The following SATL1 variants were observed in gnomAD, a reference collection of about 807,000 sequenced individuals.
SATL1 encodes spermidine/spermine N(1)-acetyltransferase-like protein 1.
A neutral mutation model predicts 51.8 loss-of-function variants in SATL1; 47 were observed. That is an observed-to-expected ratio of 0.91 (90% CI 0.72 to 1.16). SATL1 has a LOEUF of 1.16. Among genes scored for constraint, SATL1 ranks in the 50% most tolerant of loss-of-function variants. SATL1 has a pLI of 0.00. For synonymous variants in SATL1, 176 were observed against 182.4 expected (o/e 0.97, Z 0.28); for missense variants, 520 against 526.4 (o/e 0.99, Z 0.12).
chrX:85,180,907 TA>T (rs889002777), intron 2 of SATL1, among the ~76,000 whole-genome samples: 9 of 110,862 alleles, frequency 8.1e-5, no homozygotes, highest in African/African-American at 2.9e-4. Context: ...TCAAGATGCA[TA>T]TAGTTAATTT....
intron 2 of SATL1, among the ~76,000 whole-genome samples, chrX:85,148,662 A>G (rs1926330411): frequency 8.9e-6 from 1 of 111,946 alleles, no homozygotes; most frequent in Non-Finnish European, 1.9e-5. Flanking sequence ...GCCAATATTC[A>G]ACATTCTTAA....
At chrX:85,227,709 T>C (rs979097943) in intron 1 of SATL1, among the ~76,000 whole-genome samples, 3 of 111,520 alleles carry the variant, frequency 2.7e-5, no homozygotes, top group African/African-American at 9.7e-5. Flanking sequence ...GTAATGTAGA[T>C]GAAAAGAGCA....
intron 2 of SATL1, among the ~76,000 whole-genome samples, chrX:85,203,513 A>C (rs1370231666): frequency 9.0e-6 from 1 of 110,948 alleles, no homozygotes; most frequent in Non-Finnish European, 1.9e-5. Flanking sequence ...TCTCTCTGGG[A>C]GTACCATCCC....
In SATL1 at chrX:85,228,413, T is replaced by TA. The variant is rs956920301; in HGVS notation, c.-434-4088dup. On this transcript the variant is annotated intron_variant, in intron 1 of 7. Coordinates refer to ENST00000644105, the MANE Select transcript of SATL1 (RefSeq NM_001367857.2). The stretch of plus-strand genomic sequence containing the variant: ...GAAATGTGCTATAATTTCTCACATT[T>TA]AAAAAAAATGTCTATTGATGTCCCT... Among the ~76,000 whole-genome samples, 9 of 111,311 alleles carry TA rather than the reference T, an allele frequency of 8.1e-5. No homozygotes were observed. The East Asian group carries it at 8.5e-4, about 10-fold the overall frequency.
At chrX:85,234,349 A>G (rs1186005775) in intron 1 of SATL1, among the ~76,000 whole-genome samples, 1 of 112,136 alleles carries the variant, frequency 8.9e-6, no homozygotes, top group Non-Finnish European at 1.9e-5. Context: ...ATAAGAAATC[A>G]CCTGAAGGTA....
At chrX:85,102,090 CTTATTA>C (rs202201272) in intron 4 of SATL1, among the ~76,000 whole-genome samples, 2 of 105,443 alleles carry the variant, frequency 1.9e-5, no homozygotes, top group Admixed American at 2.1e-4. Flanking sequence ...TATTTATTTT[CTTATTA>C]TTATACTTTA....
intron 2 of SATL1, among the ~76,000 whole-genome samples, chrX:85,133,514 G>A (rs1683756208): frequency 8.9e-6 from 1 of 112,355 alleles, no homozygotes; most frequent in Non-Finnish European, 1.9e-5. Context: ...GAAAAGCGCA[G>A]TGTTTAGGTG....
At chrX:85,227,505 T>C (rs1176234186) in intron 1 of SATL1, among the ~76,000 whole-genome samples, 1 of 112,170 alleles carries the variant, frequency 8.9e-6, no homozygotes, top group Admixed American at 9.5e-5. Flanking sequence ...TATGTGCCTC[T>C]TGATAGAAGT....
At chrX:85,217,307 T>G (rs1171134517) in intron 2 of SATL1, among the ~76,000 whole-genome samples, 1 of 111,100 alleles carries the variant, frequency 9.0e-6, no homozygotes, top group East Asian at 2.8e-4. Flanking sequence ...AAAGCAATAT[T>G]GGTACAAGAG....
rs140552711 is a variant in SATL1 at position 85,182,529 on chromosome X, G to A, written c.-313+41676C>T. On this transcript the variant is annotated intron_variant, in intron 2 of 7. Coordinates refer to ENST00000644105, the MANE Select transcript of SATL1 (RefSeq NM_001367857.2). ...TGGTTGTTTCTATATCGTAGCTACC[G>A]TGAATAGTGCTTCAGTAAACATGGT... 5.4e-5 allele frequency among the ~76,000 whole-genome samples: 6 copies of A among 111,716 alleles called. No homozygotes were observed. The East Asian group carries it at 1.1e-3, about 21-fold the overall frequency.
At chrX:85,095,601 C>T (rs1206361768) in intron 4 of SATL1, among the ~76,000 whole-genome samples, 6 of 21,450 alleles carry the variant, frequency 2.8e-4, no homozygotes, top group Non-Finnish European at 6.0e-4. Context: ...CCGAGGCGGG[C>T]GGATCACGAG....
At chrX:85,199,479 C>T (rs1297461669) in intron 2 of SATL1, among the ~76,000 whole-genome samples, 1 of 111,490 alleles carries the variant, frequency 9.0e-6, no homozygotes, top group African/African-American at 3.3e-5. Flanking sequence ...AGCTGCATTC[C>T]CACATTTATT....
intron 1 of SATL1, among the ~76,000 whole-genome samples, chrX:85,225,204 G>A (rs1384778842): frequency 8.9e-6 from 1 of 111,812 alleles, no homozygotes; most frequent in African/African-American, 3.2e-5. Flanking sequence ...CTTGACTGTG[G>A]TAGTGGATAC....
At position 85,108,932 on chromosome X, in the gene SATL1, C is replaced by G. The variant is rs1192492634; in HGVS notation, c.37G>C (p.Asp13His). ...QSGTNQSSLS[D>H]SNQAGINQPS... The stretch of plus-strand genomic sequence containing the variant: ...TGGTTTATGCCTGCTTGGTTCGAGT[C>G]TGATAAACTTGATTGGTTCGTGCCT... The change falls in exon 3 of 8, where the codon GAC becomes CAC. Residue 13 changes from aspartate (D) to histidine (H), a missense_variant. Physicochemically the swap from Asp to His is moderately conservative, Grantham distance 81. This residue lies in a region of SATL1 where 22 missense variants were observed against 23.8 expected (regional missense o/e 0.92). Coordinates refer to ENST00000644105, the MANE Select transcript of SATL1 (RefSeq NM_001367857.2). The G allele has an allele frequency of 8.3e-6, 10 of 1,206,911 alleles. No homozygotes were observed. In the Admixed American group the frequency reaches 2.2e-4, roughly 27 times the overall value.
intron 2 of SATL1, among the ~76,000 whole-genome samples, chrX:85,202,749 C>A (rs1042339202): frequency 8.9e-6 from 1 of 111,963 alleles, no homozygotes; most frequent in African/African-American, 3.2e-5. Context: ...TGGTGATGAG[C>A]CATGGAGGGT....
chrX:85,164,839 C>T (rs1434104396), intron 2 of SATL1, among the ~76,000 whole-genome samples: 2 of 109,111 alleles, frequency 1.8e-5, no homozygotes, highest in African/African-American at 6.7e-5. Context: ...ATTCTCCTGC[C>T]TCAGCCTCCC....
At chrX:85,157,481 A>G (rs974874967) in intron 2 of SATL1, among the ~76,000 whole-genome samples, 10 of 111,382 alleles carry the variant, frequency 9.0e-5, no homozygotes, top group African/African-American at 3.3e-4. Flanking sequence ...TTCTAGATAA[A>G]CCCTAAAAGT....
chrX:85,206,981 A>G (rs1927803180), intron 2 of SATL1, among the ~76,000 whole-genome samples: 1 of 111,499 alleles, frequency 9.0e-6, no homozygotes, highest in Non-Finnish European at 1.9e-5. Flanking sequence ...AAGATGAAAT[A>G]GTTCTCTTCT....
chrX:85,098,561 C>T (rs1924799153), intron 4 of SATL1, among the ~76,000 whole-genome samples: 1 of 111,839 alleles, frequency 8.9e-6, no homozygotes, highest in Non-Finnish European at 1.9e-5. Context: ...CATTAGGTCA[C>T]ATACCAAGTC....
Sources: gnomAD v4.1 joint callset for allele counts (sites outside exome capture counted in the v4.1 genomes callset) on GRCh38, gnomAD v4.1.1 for gene constraint, gnomAD v4.1.1 regional missense constraint, MANE v1.5 for transcripts, NCBI Gene and HGNC (gene_info 2026-07-23, HGNC 2026-07-21) for gene names.